The following NCOA3 variants were observed in gnomAD, a reference collection of about 807,000 sequenced individuals.
NCOA3 encodes nuclear receptor coactivator 3, also known as CBP-interacting protein.
Under a neutral mutation model 158.8 loss-of-function variants are expected in NCOA3, and 51 were observed. That is an observed-to-expected ratio of 0.32 (90% confidence interval 0.26 to 0.41). NCOA3 has a LOEUF of 0.41. NCOA3 is among the 10% of genes least tolerant of loss of function. The pLI is 1.00. For missense variants in NCOA3, 1,510 were observed against 1,746.6 expected (o/e 0.86, Z 2.41); for synonymous variants, 537 against 592.4 (o/e 0.91, Z 1.36).
At chr20:47,608,230 G>A (rs1006407642) in intron 2 of NCOA3, among the ~76,000 whole-genome samples, 3 of 152,116 alleles carry the variant, frequency 2.0e-5, no homozygotes, top group Non-Finnish European at 2.9e-5. Context: ...AGAATCGCTC[G>A]AACTGGGGAG....
At chr20:47,594,433 T>C (rs1175634005) in intron 2 of NCOA3, among the ~76,000 whole-genome samples, 1 of 151,798 alleles carries the variant, frequency 6.6e-6, no homozygotes, top group African/African-American at 2.4e-5. Flanking sequence ...GAGGCCTAGG[T>C]GGGCAGATCA....
At chr20:47,519,694 C>T (rs1186479839) in intron 1 of NCOA3, among the ~76,000 whole-genome samples, 3 of 152,100 alleles carry the variant, frequency 2.0e-5, no homozygotes, top group African/African-American at 4.8e-5. Context: ...TTGTGAGGCC[C>T]ACTTGGGAGG....
chr20:47,636,531 T>C lies in NCOA3; in HGVS notation c.2145T>C (p.Ser715=), dbSNP rs771314335. ...GGAAAGACACCAGCAGTATAACTTC[T>C]TGTGGGGACGGAAATGTTGTCAAGC... The part of the protein sequence containing the change: ...ATGKDTSSIT[S]CGDGNVVKQE... The change falls in exon 12 of 23, where the codon TCT becomes TCC. Residue 715 remains serine (S), a synonymous_variant. Transcript: ENST00000371998. The C allele has an allele frequency of 1.2e-6, 2 of 1,614,194 alleles. No individual in the cohort carries two copies. Among genetic ancestry groups the C allele is most frequent in the East Asian group, 2.2e-5 (1 of 44,876 alleles).
At chr20:47,603,245 CA>C (rs778242290) in intron 2 of NCOA3, among the ~76,000 whole-genome samples, 60 of 152,354 alleles carry the variant, frequency 3.9e-4, no homozygotes, top group Non-Finnish European at 5.3e-4. Flanking sequence ...AAGATTTAGA[CA>C]ATTTGCTTAA....
intron 3 of NCOA3, 139 bp from the exon 4 acceptor site, chr20:47,623,772 G>T (rs2086278206): frequency 2.7e-6 from 2 of 745,942 alleles, no homozygotes; most frequent in East Asian, 3.1e-5. Context: ...TGGGCAACAA[G>T]AGCGAAAACT....
intron 2 of NCOA3, among the ~76,000 whole-genome samples, chr20:47,609,031 A>T (rs2086001203): frequency 6.6e-6 from 1 of 152,232 alleles, no homozygotes; most frequent in South Asian, 2.1e-4. Flanking sequence ...GACTTTGAAC[A>T]GCTGTATAAC....
chr20:47,576,799 A>C (rs1227326782), intron 1 of NCOA3, among the ~76,000 whole-genome samples: 1 of 152,174 alleles, frequency 6.6e-6, no homozygotes, highest in Non-Finnish European at 1.5e-5. Context: ...TTCTTGTGGA[A>C]CGCCTTCCAC....
intron 1 of NCOA3, among the ~76,000 whole-genome samples, chr20:47,537,544 C>A (rs2146120587): frequency 6.6e-6 from 1 of 150,780 alleles, no homozygotes; most frequent in South Asian, 2.1e-4. Context: ...GCTAGTTCAA[C>A]AAATGACCAC....
chr20:47,563,245 A>G (rs995660477), intron 1 of NCOA3, among the ~76,000 whole-genome samples: 3 of 152,184 alleles, frequency 2.0e-5, no homozygotes, highest in African/African-American at 7.2e-5. Flanking sequence ...TGGTGGCATC[A>G]TTTTTGTTTT....
At chr20:47,627,283 GA>G in intron 6 of NCOA3, 107 bp downstream of exon 6, 1 of 941,582 alleles carries the variant, frequency 1.1e-6, no homozygotes, top group South Asian at 1.8e-5. Flanking sequence ...AATGAGGGTA[GA>G]AAGGCATGTG....
chr20:47,563,641 C>T (rs887817409), intron 1 of NCOA3, among the ~76,000 whole-genome samples: 1 of 152,074 alleles, frequency 6.6e-6, no homozygotes, highest in Non-Finnish European at 1.5e-5. Context: ...AATCCTAGCA[C>T]TTTGGGAGGC....
At chr20:47,555,621 A>G (rs2084990383) in intron 1 of NCOA3, among the ~76,000 whole-genome samples, 2 of 144,594 alleles carry the variant, frequency 1.4e-5, no homozygotes, top group Non-Finnish European at 3.0e-5. Flanking sequence ...TTCCTTAGAT[A>G]CTATTAAAGT....
intron 2 of NCOA3, among the ~76,000 whole-genome samples, chr20:47,586,127 C>T (rs1217746764): frequency 6.6e-6 from 1 of 152,100 alleles, no homozygotes; most frequent in Non-Finnish European, 1.5e-5. Flanking sequence ...CCATGTTGGC[C>T]AGGCTGGTCT....
chr20:47,593,926 T>G (rs1390239588), intron 2 of NCOA3, among the ~76,000 whole-genome samples: 4 of 152,214 alleles, frequency 2.6e-5, no homozygotes, highest in African/African-American at 9.6e-5. Context: ...TATTTTGAAA[T>G]TAAATTTCTA....
At chr20:47,526,314 C>T (rs1389042912) in intron 1 of NCOA3, among the ~76,000 whole-genome samples, 3 of 151,120 alleles carry the variant, frequency 2.0e-5, no homozygotes, top group Non-Finnish European at 4.4e-5. Context: ...ACATCCCAGA[C>T]GATGGGCGGC....
rs2086830587 is a variant in NCOA3, at chr20:47,653,501, G to A, written c.*84G>A. On this transcript the variant is annotated 3_prime_UTR_variant, in exon 23 of 23. Transcript: ENST00000371998. The stretch of plus-strand genomic sequence containing the variant: ...TATTGGGAAGGAATCATTGTTCCAG[G>A]CATCCATCTTGGAAGAAAGGACCAG... The A allele has an allele frequency of 2.7e-6, 4 of 1,492,130 alleles. No individual in the cohort carries two copies. The highest frequency in any genetic ancestry group is 3.7e-6 in the Non-Finnish European group (4 of 1,085,312). The allele number at this position is 1,492,130 out of a possible 1,614,324, so 92.4% of individuals were successfully genotyped here.
intron 1 of NCOA3, among the ~76,000 whole-genome samples, chr20:47,538,123 A>G (rs1354483963): frequency 6.9e-6 from 1 of 144,586 alleles, no homozygotes; most frequent in Non-Finnish European, 1.5e-5. Flanking sequence ...CAGGTGATCC[A>G]CCCACCTTGG....
intron 1 of NCOA3, among the ~76,000 whole-genome samples, chr20:47,511,584 T>C (rs2084142676): frequency 8.5e-6 from 1 of 117,120 alleles, no homozygotes; most frequent in African/African-American, 3.1e-5. Flanking sequence ...ACGGTCTTGC[T>C]CTGTCACCCA....
At chr20:47,530,080 A>T (rs556751091) in intron 1 of NCOA3, among the ~76,000 whole-genome samples, 41 of 152,336 alleles carry the variant, frequency 2.7e-4, no homozygotes, top group South Asian at 8.3e-4. Flanking sequence ...ATAAAATGGC[A>T]TGTAGCTTTT....
Sources: gnomAD v4.1 joint callset for allele counts (sites outside exome capture counted in the v4.1 genomes callset) on GRCh38, gnomAD v4.1.1 for gene constraint, MANE v1.5 for transcripts, NCBI Gene and HGNC (gene_info 2026-07-23, HGNC 2026-07-21) for gene names.